The following TXLNB variants were observed in gnomAD, a reference collection of about 807,000 sequenced individuals.
TXLNB encodes the protein taxilin beta.
TXLNB carries 37 observed loss-of-function variants against 57.4 expected under a neutral mutation model. The observed-to-expected ratio is 0.64, with a 90% confidence interval of 0.50 to 0.85. The LOEUF (loss-of-function observed/expected upper bound fraction) is 0.85, where lower values mean the gene tolerates loss of function less well. Among genes scored for constraint, TXLNB ranks in the 40% least tolerant of loss-of-function variants. The pLI is 0.00. For missense variants in TXLNB, 848 were observed against 825.6 expected (o/e 1.03, Z -0.33); for synonymous variants, 302 against 309.6 (o/e 0.98, Z 0.26).
the TXLNB span, among the ~76,000 whole-genome samples, chr6:139,168,007 A>G: frequency 4.6e-5 from 7 of 152,240 alleles, no homozygotes; most frequent in Admixed American, 3.9e-4. Context: ...CACATCACAT[A>G]TAACATGTTT....
At chr6:139,173,381 G>T in the TXLNB span, among the ~76,000 whole-genome samples, 1 of 152,184 alleles carries the variant, frequency 6.6e-6, no homozygotes, top group Admixed American at 6.5e-5. Flanking sequence ...GAGGAAGGGG[G>T]TCATGCAAGT....
At chr6:139,265,480 A>C (rs1776593175) in intron 4 of TXLNB, among the ~76,000 whole-genome samples, 1 of 152,078 alleles carries the variant, frequency 6.6e-6, no homozygotes, top group African/African-American at 2.4e-5. Flanking sequence ...CTCATTAAAG[A>C]AGCGGTTTTA....
At chr6:139,296,039 C>CT (rs1436300431), upstream of TXLNB, among the ~76,000 whole-genome samples, 1 of 152,110 alleles carries the variant, frequency 6.6e-6, no homozygotes. Flanking sequence ...CCTTGACCCC[C>CT]CCCTCCTCCA....
the TXLNB span, among the ~76,000 whole-genome samples, chr6:139,203,366 C>T: frequency 7.1e-3 from 1,079 of 152,282 alleles, 7 homozygotes; most frequent in Non-Finnish European, 0.012. Flanking sequence ...TCACCTACTG[C>T]AATCTCACTT....
At chr6:139,307,307 A>G in the TXLNB span, among the ~76,000 whole-genome samples, 5 of 152,190 alleles carry the variant, frequency 3.3e-5, no homozygotes, top group African/African-American at 4.8e-5. Flanking sequence ...CCCCTGCCTC[A>G]GCCTCTTGAG....
chr6:139,208,980 G>A, the TXLNB span, among the ~76,000 whole-genome samples: 107 of 152,196 alleles, frequency 7.0e-4, no homozygotes, highest in Middle Eastern at 3.4e-3. Flanking sequence ...CATCCAAATC[G>A]GTAAAGAGGA....
At chr6:139,199,555 A>G in the TXLNB span, among the ~76,000 whole-genome samples, 1 of 152,214 alleles carries the variant, frequency 6.6e-6, no homozygotes, top group Non-Finnish European at 1.5e-5. Context: ...ACTCACTGCT[A>G]CACATAATAG....
the TXLNB span, among the ~76,000 whole-genome samples, chr6:139,164,001 C>T: frequency 2.0e-5 from 3 of 152,088 alleles, no homozygotes; most frequent in Non-Finnish European, 2.9e-5. Context: ...CTTTTTCCAT[C>T]TTCCCTGTCC....
At chr6:139,298,978 A>G in the TXLNB span, among the ~76,000 whole-genome samples, 1 of 152,150 alleles carries the variant, frequency 6.6e-6, no homozygotes. Context: ...ACCTTCCACC[A>G]TGAGTGGAAA....
At chr6:139,297,944 C>G in the TXLNB span, among the ~76,000 whole-genome samples, 1 of 152,160 alleles carries the variant, frequency 6.6e-6, no homozygotes, top group African/African-American at 2.4e-5. Flanking sequence ...ACTCAGCAGA[C>G]ATCACCTTTG....
chr6:139,203,165 T>C, the TXLNB span, among the ~76,000 whole-genome samples: 1 of 152,174 alleles, frequency 6.6e-6, no homozygotes, highest in Admixed American at 6.5e-5. Flanking sequence ...TTATGAATAA[T>C]GCTGCAATAA....
At chr6:139,322,136 T>C in the TXLNB span, among the ~76,000 whole-genome samples, 1 of 152,196 alleles carries the variant, frequency 6.6e-6, no homozygotes, top group Non-Finnish European at 1.5e-5. Flanking sequence ...CATGCCTGAC[T>C]TCACAGCCTA....
the TXLNB span, among the ~76,000 whole-genome samples, chr6:139,195,288 G>A: frequency 3.9e-5 from 6 of 152,220 alleles, no homozygotes; most frequent in East Asian, 9.6e-4. Flanking sequence ...TAGAAACAAC[G>A]TTTATTATCA....
the TXLNB span, among the ~76,000 whole-genome samples, chr6:139,308,903 C>T: frequency 6.6e-5 from 10 of 152,172 alleles, no homozygotes; most frequent in Admixed American, 3.3e-4. Flanking sequence ...TTGTGTTGAC[C>T]GCTTAGCATC....
At chr6:139,218,940 G>T in the TXLNB span, among the ~76,000 whole-genome samples, 2 of 152,242 alleles carry the variant, frequency 1.3e-5, no homozygotes, top group South Asian at 4.2e-4. Flanking sequence ...GTAAATTGTG[G>T]CTGAGTTCTT....
chr6:139,280,246 C>T (rs566274223), intron 2 of TXLNB, among the ~76,000 whole-genome samples: 1 of 111,580 alleles, frequency 9.0e-6, no homozygotes, highest in Non-Finnish European at 1.8e-5. Context: ...GCAAGACTCT[C>T]TCTCTAAAAA....
In TXLNB at chr6:139,288,797, C is replaced by T; in HGVS notation, c.103G>A (p.Gly35Ser). ...PSHNGLEKED[G>S]QDSPTPVQPP... Reference sequence around the variant, plus strand: ...TGGACTGGGGTTGGAGAATCCTGGCCATCTTCCTTCTCCAGGCCATTGTGA... The same window carrying T: ...TGGACTGGGGTTGGAGAATCCTGGCTATCTTCCTTCTCCAGGCCATTGTGA... The change falls in exon 2 of 10, where the codon GGC becomes AGC. Residue 35 changes from glycine (G) to serine (S), a missense_variant. Coordinates refer to ENST00000358430, the MANE Select transcript of TXLNB (RefSeq NM_153235.4). The T allele has an allele frequency of 1.2e-6, 2 of 1,614,182 alleles. No individual in the cohort carries two copies. The highest frequency in any genetic ancestry group is 1.7e-6 in the Non-Finnish European group (2 of 1,180,028).
intron 4 of TXLNB, among the ~76,000 whole-genome samples, chr6:139,268,793 G>T (rs1338646142): frequency 6.6e-6 from 1 of 151,990 alleles, no homozygotes; most frequent in African/African-American, 2.4e-5. Flanking sequence ...CATTACTGAG[G>T]GCATATGGGC....
chr6:139,273,353 T>C lies in TXLNB; in HGVS notation c.517-2727A>G, dbSNP rs143741779. On this transcript the variant is annotated intron_variant, in intron 3 of 9. Coordinates refer to ENST00000358430, the MANE Select transcript of TXLNB (RefSeq NM_153235.4). Reference sequence around the variant, plus strand: ...TCCCTGTTTAGGGAACTCTGCACTATGTGGCTTTATCTGAGTGTCAGGAGG... The same window carrying C: ...TCCCTGTTTAGGGAACTCTGCACTACGTGGCTTTATCTGAGTGTCAGGAGG... 3.3e-5 allele frequency among the ~76,000 whole-genome samples: 5 copies of C among 152,398 alleles called. No homozygotes were observed. In the East Asian group the frequency reaches 9.6e-4, roughly 29 times the overall value.
Sources: allele counts gnomAD v4.1 joint callset (sites outside exome capture counted in the v4.1 genomes callset), GRCh38; gene constraint gnomAD v4.1.1; transcripts MANE v1.5; gene names NCBI Gene and HGNC (gene_info 2026-07-23, HGNC 2026-07-21).